POLE: variants seen among roughly 807,000 people sequenced by gnomAD.
POLE encodes DNA polymerase epsilon catalytic subunit A.
In POLE, 188 loss-of-function variants were observed where a neutral mutation model predicts 279.2. The ratio of observed to expected loss-of-function variants is 0.67; its 90% confidence interval spans 0.60 to 0.76. The LOEUF (loss-of-function observed/expected upper bound fraction) is 0.76. POLE is among the 30% of genes least tolerant of loss of function. The pLI, the probability that POLE is intolerant of heterozygous loss-of-function variation, is 0.00. For missense variants in POLE, 2,703 were observed against 3,016.7 expected (o/e 0.90, Z 2.44); for synonymous variants, 1,214 against 1,172.5 (o/e 1.04, Z -0.72).
intron 6 of POLE, among the ~76,000 whole-genome samples, chr12:132,678,033 C>T (rs1044018860): frequency 9.2e-5 from 14 of 152,036 alleles, no homozygotes; most frequent in African/African-American, 3.4e-4. Context: ...CAAAAATTAG[C>T]CAGGCGTGGT....
chr12:132,626,298 T>C lies in POLE; in HGVS notation c.6350A>G (p.Asn2117Ser), dbSNP rs771404261. ...YVCKVLSLDT[N>S]ITNQVNKLNR... is the part of the protein sequence containing the mutation. ...CAGCTTATTCACCTGGTTTGTGATG[T>C]TGGTGTCCAGGGACAGCACCTGCAG... Residue 2117 changes from asparagine (N) to serine (S), a missense_variant, in exon 46 of 49, where the codon AAC becomes AGC. This residue lies in a region of POLE where 1,551 missense variants were observed against 1,686.1 expected (regional missense o/e 0.92). Coordinates refer to ENST00000320574, the MANE Select transcript of POLE (RefSeq NM_006231.4). The C allele has an allele frequency of 2.5e-6, 4 of 1,613,590 alleles. No individual in the cohort carries two copies. The highest frequency in any genetic ancestry group is 1.7e-5 in the Admixed American group (1 of 60,006).
intron 23 of POLE, among the ~76,000 whole-genome samples, chr12:132,663,447 A>C (rs1256255421): frequency 6.6e-6 from 1 of 152,264 alleles, no homozygotes; most frequent in Non-Finnish European, 1.5e-5. Context: ...AGTCACGAGA[A>C]ACAACAGACA....
Position 132,667,100 on chromosome 12 carries a change from G to C in POLE, c.2319+403C>G, listed in dbSNP as rs5744804. On this transcript the variant is annotated intron_variant, in intron 20 of 48. Transcript: ENST00000320574. ...GATGAAATACGTCAGTTAAACACGA[G>C]GGGCCGGATGGTGAATACCATAGAT... Among the ~76,000 whole-genome samples the C allele has an allele frequency of 7.5e-3, 1,140 of 152,282 alleles. 13 individuals are homozygous for C. The highest frequency in any genetic ancestry group is 0.026 in the African/African-American group (1,087 of 41,552).
rs779394509 is a variant in POLE at position 132,634,345 on chromosome 12, C to T, written c.5845G>A (p.Glu1949Lys). 4 of 1,614,026 alleles carry T rather than the reference C, an allele frequency of 2.5e-6. No individual in the cohort carries two copies. The highest frequency in any genetic ancestry group is 3.3e-5 in the Admixed American group (2 of 60,012). Residue 1949 changes from glutamate (E) to lysine (K), a missense_variant, in exon 43 of 49, where the codon GAG becomes AAG. By Grantham distance (56) the Glu-to-Lys change is moderately conservative. Coordinates refer to ENST00000320574, the MANE Select transcript of POLE (RefSeq NM_006231.4). This position sits in a 1 kb window ranked among gnomAD's most constrained non-coding sequence, Gnocchi z 4.0. The part of the protein sequence containing the change: ...DSQKAGGAED[E>K]QENEDDEEER... ...TCCTCATCGTCCTCATTTTCCTGCTCATCCTCTGCTCCCCCTGCTTTCTGG... is the reference window on the plus strand; with the variant it reads ...TCCTCATCGTCCTCATTTTCCTGCTTATCCTCTGCTCCCCCTGCTTTCTGG...
chr12:132,656,281 G>C (rs1030142003), intron 29 of POLE, among the ~76,000 whole-genome samples: 12 of 152,098 alleles, frequency 7.9e-5, no homozygotes, highest in African/African-American at 2.7e-4. Flanking sequence ...ACTCCGTCTT[G>C]GGGGGCAGGG....
chr12:132,643,896 T>C lies in POLE; in HGVS notation c.4231A>G (p.Ile1411Val), dbSNP rs1233033042. The stretch of plus-strand genomic sequence containing the variant: ...GACAGCTCAGCGTTGATCTCGTTGA[T>C]GTGTTCCTGGTACATGTCCTCTGGC... ...SVPEDMYQEH[I>V]NEINAELSAP... Residue 1411 changes from isoleucine to valine, a missense_variant, in exon 33 of 49, where the codon ATC (isoleucine) becomes GTC (valine). Coordinates refer to ENST00000320574, the MANE Select transcript of POLE (RefSeq NM_006231.4). 6 of 1,614,052 alleles carry C rather than the reference T, an allele frequency of 3.7e-6. No homozygotes were observed. The highest frequency in any genetic ancestry group is 3.3e-5 in the South Asian group (3 of 91,092).
intron 32 of POLE, among the ~76,000 whole-genome samples, chr12:132,646,128 G>A (rs2138578803): frequency 6.6e-6 from 1 of 152,290 alleles, no homozygotes; most frequent in African/African-American, 2.4e-5. Context: ...GAAGGGATCT[G>A]GCCAGCCCAA....
At chr12:132,677,512 C>T (rs2136019323) in intron 7 of POLE, 66 bp downstream of exon 7, 1 of 1,610,000 alleles carries the variant, frequency 6.2e-7, no homozygotes, top group Admixed American at 1.7e-5. Flanking sequence ...TGGATTCACC[C>T]ATAATGATCA....
chr12:132,637,845 G>C (rs538087068), intron 41 of POLE, among the ~76,000 whole-genome samples, 169 bp downstream of exon 41: 9 of 152,172 alleles, frequency 5.9e-5, no homozygotes, highest in African/African-American at 1.9e-4. Context: ...CTGCTACCGC[G>C]CACAGGTGGC....
chr12:132,645,581 G>A (rs1379014106), intron 32 of POLE, among the ~76,000 whole-genome samples: 1 of 152,206 alleles, frequency 6.6e-6, no homozygotes, highest in Non-Finnish European at 1.5e-5. Context: ...GGAATTAACC[G>A]TGTTGGTTGT....
Position 132,659,487 on chromosome 12 carries a change from T to C in POLE, c.3083A>G (p.Glu1028Gly), listed in dbSNP as rs1253054687. The change falls in exon 26 of 49, where the codon GAG (glutamate) becomes GGG (glycine). Residue 1028 changes from glutamate (E) to glycine (G), a missense_variant. Glu to Gly is a moderately conservative substitution (Grantham distance 98). Around this residue, in one of 5 missense-constraint regions of POLE, gnomAD observed 1,551 missense variants for 1,686.1 expected, o/e 0.92. Coordinates refer to ENST00000320574, the MANE Select transcript of POLE (RefSeq NM_006231.4). ...GTTCTCAGAGATGAGCTCGAATAGC[T>C]CAGAGTCAGGCATGTTGGCTGCCTA... ...YSKAANMPDSELFELISENRS... is the reference protein window; with the variant it reads ...YSKAANMPDSGLFELISENRS... The C allele has an allele frequency of 6.2e-7, 1 of 1,614,108 alleles. No individual in the cohort carries two copies. The highest frequency in any genetic ancestry group is 1.1e-5 in the South Asian group (1 of 91,084).
Position 132,687,239 on chromosome 12 carries a change from G to A in POLE, c.62+15C>T, listed in dbSNP as rs2075784. 0.52 allele frequency: 760,313 copies of A among 1,472,344 alleles called. 201,346 individuals carry two copies. The highest frequency in any genetic ancestry group is 0.55 in the Non-Finnish European group (606,817 of 1,110,892). The allele number at this position is 1,472,344 out of a possible 1,614,324, so 91.2% of individuals were successfully genotyped here. On this transcript the variant is annotated intron_variant, in intron 1 of 48. Coordinates refer to ENST00000320574, the MANE Select transcript of POLE (RefSeq NM_006231.4). ...CGGAGGGCCGGCCCGAGAGCCTCAG[G>A]AGGGCGCCCCTCACCTGCTGGCCTC...
intron 16 of POLE, among the ~76,000 whole-genome samples, chr12:132,669,711 G>C (rs1423732464): frequency 6.6e-6 from 1 of 152,168 alleles, no homozygotes; most frequent in Admixed American, 6.5e-5. Context: ...GTCCAGTCAA[G>C]AAGGGGAGGA....
At position 132,643,327 on chromosome 12, in the gene POLE, C is replaced by T. The variant is rs931491187; in HGVS notation, c.4448G>A (p.Ser1483Asn). Residue 1483 changes from serine (S) to asparagine (N), a missense_variant, in exon 35 of 49, where the codon AGT (serine) becomes AAT (asparagine). This residue lies in a region of POLE where 1,551 missense variants were observed against 1,686.1 expected (regional missense o/e 0.92). Coordinates refer to ENST00000320574, the MANE Select transcript of POLE (RefSeq NM_006231.4). ...LAQFSYLEPG[S>N]IRHIYLYHHA... ...GTGGTACAGGTAGATATGGCGGATACTCCCTGGAGAAGGAAACAAGACCGT... is the reference window on the plus strand; with the variant it reads ...GTGGTACAGGTAGATATGGCGGATATTCCCTGGAGAAGGAAACAAGACCGT... 2 of 1,614,094 alleles carry T rather than the reference C, an allele frequency of 1.2e-6. No individual in the cohort carries two copies. The highest frequency in any genetic ancestry group is 1.3e-5 in the African/African-American group (1 of 75,074).
rs1026426253 is a variant in POLE at position 132,639,840 on chromosome 12, G to T, written c.5379-542C>A. Among the ~76,000 whole-genome samples, 2 of 152,106 alleles carry T rather than the reference G, an allele frequency of 1.3e-5. No individual in the cohort carries two copies. Among genetic ancestry groups the T allele is most frequent in the Admixed American group, 1.3e-4 (2 of 15,274 alleles). On this transcript the variant is annotated intron_variant, in intron 39 of 48. Transcript: ENST00000320574. The surrounding 1 kb of genome is among the most constrained non-coding windows in gnomAD (Gnocchi z 4.7). ...GTGCATGCCTGTAATCCTGCTACTC[G>T]GGAGGCTAAGGCAGGAGAATCGCTT... is the stretch of plus-strand genomic sequence containing the variant.
chr12:132,667,951 C>A (rs143795828), intron 19 of POLE, among the ~76,000 whole-genome samples: 3 of 152,142 alleles, frequency 2.0e-5, no homozygotes, highest in Admixed American at 6.5e-5. Flanking sequence ...GGCATGGTGG[C>A]GCACACCTGT....
chr12:132,661,208 C>T lies in POLE; in HGVS notation c.2865-44G>A, dbSNP rs2135946910. The stretch of plus-strand genomic sequence containing the variant: ...GCAAGCACAGCAGTGGCAAGGAGCG[C>T]TGGGGAGCCACCAGCTGTGCCTCAT... On this transcript the variant is annotated intron_variant, in intron 24 of 48. Coordinates refer to ENST00000320574, the MANE Select transcript of POLE (RefSeq NM_006231.4). This position sits in a 1 kb window ranked among gnomAD's most constrained non-coding sequence, Gnocchi z 4.1. The T allele has an allele frequency of 6.6e-7, 1 of 1,524,060 alleles. No homozygotes were observed. Among genetic ancestry groups the T allele is most frequent in the Non-Finnish European group, 8.8e-7 (1 of 1,131,486 alleles). 94.4% of individuals were successfully genotyped at this position (1,524,060 alleles called of 1,614,324 possible).
chr12:132,629,313 T>G (rs1244535974), intron 45 of POLE, among the ~76,000 whole-genome samples: 2 of 152,254 alleles, frequency 1.3e-5, no homozygotes, highest in East Asian at 3.9e-4. Context: ...CTAACAAGAG[T>G]CAGCCTTTCC....
chr12:132,641,109 TG>T, intron 39 of POLE: 1 of 455,684 alleles, frequency 2.2e-6, no homozygotes, highest in African/African-American at 2.0e-5. Context: ...TCCCCGTCCC[TG>T]GGCTGATGTG....
Sources: gnomAD v4.1 joint callset for allele counts (sites outside exome capture counted in the v4.1 genomes callset) on GRCh38, gnomAD v4.1.1 for gene constraint, gnomAD v4.1.1 regional missense constraint, Gnocchi (gnomAD v3.1) non-coding constraint, MANE v1.5 for transcripts, NCBI Gene and HGNC (gene_info 2026-07-23, HGNC 2026-07-21) for gene names.